Variants in ZMAT4 observed in about 807,000 individuals in gnomAD.
ZMAT4 encodes the protein zinc finger matrin-type 4.
ZMAT4 carries 17 observed loss-of-function variants against 28.7 expected under a neutral mutation model. The observed-to-expected ratio is 0.59, with a 90% CI of 0.41 to 0.89. The LOEUF (loss-of-function observed/expected upper bound fraction) is 0.89, where lower values mean the gene tolerates loss of function less well. ZMAT4 is among the 40% of genes least tolerant of loss of function. ZMAT4 has a pLI of 0.00. For synonymous variants in ZMAT4, 117 were observed against 109.2 expected (o/e 1.07, Z -0.44); for missense variants, 240 against 283.8 (o/e 0.85, Z 1.11).
intron 1 of ZMAT4, among the ~76,000 whole-genome samples, chr8:40,890,630 A>G (rs1172758097): frequency 1.3e-5 from 2 of 151,820 alleles, no homozygotes; most frequent in Non-Finnish European, 2.9e-5. Context: ...CTGCTGGACC[A>G]TTTTTCCTAG....
At chr8:40,767,531 C>G (rs1813213064) in intron 3 of ZMAT4, 110 bp downstream of exon 3, 5 of 836,414 alleles carry the variant, frequency 6.0e-6, no homozygotes, top group Non-Finnish European at 9.1e-6. Context: ...ACTATTTCTA[C>G]TCACTCAGCT....
intron 5 of ZMAT4, among the ~76,000 whole-genome samples, chr8:40,629,591 G>C (rs1331156071): frequency 7.2e-6 from 1 of 138,530 alleles, no homozygotes; most frequent in Non-Finnish European, 1.5e-5. Context: ...GGTGTGTGAT[G>C]TTCCTCTTCC....
intron 3 of ZMAT4, among the ~76,000 whole-genome samples, chr8:40,731,991 G>A (rs1160629495): frequency 1.3e-5 from 2 of 152,218 alleles, no homozygotes; most frequent in Non-Finnish European, 2.9e-5. Flanking sequence ...AATACTGTGC[G>A]ATTCCACTTA....
At position 40,559,549 on chromosome 8, in the gene ZMAT4, C is replaced by T. The variant is rs192414439; in HGVS notation, c.674+21616G>A. Among the ~76,000 whole-genome samples, 200 of 152,280 alleles carry T rather than the reference C, an allele frequency of 1.3e-3. 1 individual carries two copies. The highest frequency in any genetic ancestry group is 4.5e-3 in the African/African-American group (185 of 41,572). On this transcript the variant is annotated intron_variant, in intron 6 of 6. Transcript: ENST00000297737. ...TGCCTCCCTCCCCTCCTGTGAACTG[C>T]CTGCTTTTTGGCCTCTGCTAGAGGC...
intron 6 of ZMAT4, among the ~76,000 whole-genome samples, chr8:40,555,113 T>G (rs570808298): frequency 1.3e-5 from 2 of 152,168 alleles, no homozygotes; most frequent in African/African-American, 4.8e-5. Flanking sequence ...CTTAACATAA[T>G]GAGTTCCATC....
chr8:40,615,513 C>A (rs1229329935), intron 5 of ZMAT4, among the ~76,000 whole-genome samples: 1 of 152,316 alleles, frequency 6.6e-6, no homozygotes, highest in African/African-American at 2.4e-5. Context: ...TGATATCCTG[C>A]AGAGTGTTTT....
intron 3 of ZMAT4, among the ~76,000 whole-genome samples, chr8:40,762,265 G>A (rs569504482): frequency 6.6e-6 from 1 of 152,314 alleles, no homozygotes; most frequent in South Asian, 2.1e-4. Context: ...TCTTGCACAT[G>A]TACGTAGTTA....
At chr8:40,863,966 T>C (rs1586186904) in intron 1 of ZMAT4, among the ~76,000 whole-genome samples, 1 of 152,244 alleles carries the variant, frequency 6.6e-6, no homozygotes, top group East Asian at 1.9e-4. Flanking sequence ...GAATGTACTT[T>C]TGTCCATATT....
At chr8:40,711,761 A>G (rs1047764350) in intron 3 of ZMAT4, among the ~76,000 whole-genome samples, 1 of 152,326 alleles carries the variant, frequency 6.6e-6, no homozygotes, top group South Asian at 2.1e-4. Flanking sequence ...AAAACTCAAG[A>G]AAGTGATTCT....
At chr8:40,565,596 T>C (rs1803895203) in intron 6 of ZMAT4, among the ~76,000 whole-genome samples, 1 of 131,162 alleles carries the variant, frequency 7.6e-6, no homozygotes, top group South Asian at 2.5e-4. Flanking sequence ...CAGGCTGGTC[T>C]CGAACTCCTG....
intron 6 of ZMAT4, among the ~76,000 whole-genome samples, chr8:40,556,686 A>C (rs965605007): frequency 6.6e-5 from 10 of 152,174 alleles, no homozygotes; most frequent in African/African-American, 2.4e-4. Context: ...ACTGCACCAC[A>C]TGTAGAATAC....
At chr8:40,874,878 C>A (rs1377348954) in intron 1 of ZMAT4, among the ~76,000 whole-genome samples, 1 of 152,162 alleles carries the variant, frequency 6.6e-6, no homozygotes, top group Non-Finnish European at 1.5e-5. Flanking sequence ...GCAGTGATGG[C>A]TGGATTCAGA....
intron 1 of ZMAT4, among the ~76,000 whole-genome samples, chr8:40,837,183 A>G (rs568596111): frequency 2.0e-5 from 3 of 152,282 alleles, no homozygotes; most frequent in African/African-American, 7.2e-5. Flanking sequence ...GGCTGATGAA[A>G]TGTGCACAAA....
intron 1 of ZMAT4, among the ~76,000 whole-genome samples, chr8:40,828,448 G>A (rs150460768): frequency 5.9e-5 from 9 of 152,116 alleles, no homozygotes; most frequent in African/African-American, 2.2e-4. Flanking sequence ...CACTGTGAAA[G>A]GATATTCAAG....
chr8:40,630,281 G>A (rs534647730), intron 5 of ZMAT4, among the ~76,000 whole-genome samples: 6 of 152,232 alleles, frequency 3.9e-5, no homozygotes, highest in Admixed American at 1.3e-4. Context: ...GCCTATAGAC[G>A]TGTCCACAGT....
At chr8:40,653,007 G>A (rs1436252188) in intron 5 of ZMAT4, among the ~76,000 whole-genome samples, 1 of 151,100 alleles carries the variant, frequency 6.6e-6, no homozygotes, top group African/African-American at 2.4e-5. Context: ...TGGGTGCAGT[G>A]CACCAGCATG....
At chr8:40,670,901 T>C (rs1304676761) in intron 5 of ZMAT4, among the ~76,000 whole-genome samples, 1 of 152,006 alleles carries the variant, frequency 6.6e-6, no homozygotes, top group Admixed American at 6.5e-5. Context: ...ACCCCGTCTC[T>C]ACTAAAAATA....
intron 4 of ZMAT4, 31 bp downstream of exon 4, chr8:40,697,214 G>A: frequency 1.3e-6 from 2 of 1,543,148 alleles, no homozygotes; most frequent in South Asian, 1.3e-5. Context: ...GGTTTTCAGG[G>A]TCTCCCCACG....
intron 2 of ZMAT4, among the ~76,000 whole-genome samples, chr8:40,804,798 G>A (rs186717070): frequency 0.01 from 1,594 of 152,092 alleles, 26 homozygotes; most frequent in African/African-American, 0.036. Flanking sequence ...CCGAGATCGG[G>A]CCATTGCACT....
Sources: allele counts gnomAD v4.1 joint callset (sites outside exome capture counted in the v4.1 genomes callset), GRCh38; gene constraint gnomAD v4.1.1; transcripts MANE v1.5; gene names NCBI Gene and HGNC (gene_info 2026-07-23, HGNC 2026-07-21).